Variants in MTBP observed in about 807,000 individuals in gnomAD.
MTBP encodes the protein MDM2 binding protein, also known as mdm2-binding protein.
In MTBP, 101 loss-of-function variants were observed where a neutral mutation model predicts 117.0. That is an observed-to-expected ratio of 0.86 (90% CI 0.73 to 1.02). The LOEUF is 1.02. MTBP is among the 50% of genes least tolerant of loss of function. The pLI is 0.00. For synonymous variants in MTBP, 350 were observed against 351.5 expected (o/e 1.00, Z 0.05); for missense variants, 970 against 1,030.9 (o/e 0.94, Z 0.81).
At chr8:120,521,361 T>C (rs540127759) in intron 20 of MTBP, among the ~76,000 whole-genome samples, 1 of 152,326 alleles carries the variant, frequency 6.6e-6, no homozygotes, top group South Asian at 2.1e-4. Flanking sequence ...TGAAAGTATT[T>C]ACATAGATAC....
rs148261774 is a variant in MTBP, at chr8:120,489,550, G to A, written c.1340-913G>A. On this transcript the variant is annotated intron_variant, in intron 12 of 21. Coordinates refer to ENST00000305949, the MANE Select transcript of MTBP (RefSeq NM_022045.5). ...CATCACTATGCCAGCCACCAGTAAC[G>A]GGAGTCCAAATACATCTTTATGTTG... 6.6e-4 allele frequency among the ~76,000 whole-genome samples: 100 copies of A among 152,316 alleles called. 1 individual carries two copies. The highest frequency in any genetic ancestry group is 3.4e-3 in the Middle Eastern group (1 of 294).
At chr8:120,515,875 C>G in intron 17 of MTBP, 50 bp from the exon 18 acceptor site, 6 of 1,523,618 alleles carry the variant, frequency 3.9e-6, no homozygotes, top group Non-Finnish European at 5.4e-6. Flanking sequence ...AGGGGAAAGT[C>G]TGTTGCTCTC....
At chr8:120,481,188 TTGA>T (rs1814076145) in intron 11 of MTBP, among the ~76,000 whole-genome samples, 1 of 152,170 alleles carries the variant, frequency 6.6e-6, no homozygotes, top group Non-Finnish European at 1.5e-5. Context: ...CTATCAAATG[TTGA>T]TGAGGATGTG....
At chr8:120,494,441 A>C (rs1399308453) in intron 13 of MTBP, among the ~76,000 whole-genome samples, 1 of 152,250 alleles carries the variant, frequency 6.6e-6, no homozygotes, top group Non-Finnish European at 1.5e-5. Context: ...AAAAAGCTTC[A>C]AGTGGCAAAC....
At chr8:120,519,998 A>C (rs1814987505) in intron 20 of MTBP, among the ~76,000 whole-genome samples, 1 of 152,148 alleles carries the variant, frequency 6.6e-6, no homozygotes, top group East Asian at 1.9e-4. Flanking sequence ...CTAACTGGCC[A>C]TCTTGTCACT....
Position 120,445,500 on chromosome 8 carries a change from G to C in MTBP, c.30G>C (p.Trp10Cys), listed in dbSNP as rs549063225. The C allele has an allele frequency of 9.9e-6, 16 of 1,613,558 alleles. No homozygotes were observed. Among genetic ancestry groups the C allele is most frequent in the Admixed American group, 3.3e-5 (2 of 59,984 alleles). MDRYLLLVI[W>C]GEGKFPSAAS... The stretch of plus-strand genomic sequence containing the variant: ...ATCGGTACCTGCTGCTGGTGATCTG[G>C]GGGGAAGGAAAATTCCCGTCGGCGG... Residue 10 changes from tryptophan (W) to cysteine (C), a missense_variant, in exon 1 of 22, where the codon TGG becomes TGC. By Grantham distance (215) the Trp-to-Cys change is radical. Transcript: ENST00000305949.
chr8:120,464,293 TA>T (rs1219075820), intron 10 of MTBP, among the ~76,000 whole-genome samples: 10 of 152,116 alleles, frequency 6.6e-5, no homozygotes, highest in East Asian at 1.9e-4. Context: ...TTTTTAACTT[TA>T]AAAAAATTAC....
At chr8:120,494,978 G>A (rs1814420178) in intron 13 of MTBP, among the ~76,000 whole-genome samples, 1 of 151,882 alleles carries the variant, frequency 6.6e-6, no homozygotes, top group Non-Finnish European at 1.5e-5. Flanking sequence ...TTCATATTTT[G>A]CTCGACTATG....
At chr8:120,465,900 C>A (rs1222988590) in intron 10 of MTBP, among the ~76,000 whole-genome samples, 2 of 151,786 alleles carry the variant, frequency 1.3e-5, no homozygotes, top group South Asian at 2.1e-4. Flanking sequence ...AAGCATTAGT[C>A]CATCTAGTTA....
At chr8:120,510,813 G>T (rs769809841) in intron 17 of MTBP, among the ~76,000 whole-genome samples, 3 of 152,084 alleles carry the variant, frequency 2.0e-5, no homozygotes, top group Non-Finnish European at 4.4e-5. Flanking sequence ...AGGATGCTGA[G>T]GCAGGAGGAT....
intron 16 of MTBP, among the ~76,000 whole-genome samples, 159 bp from the exon 17 acceptor site, chr8:120,509,775 C>G (rs1305865639): frequency 6.6e-6 from 1 of 152,184 alleles, no homozygotes; most frequent in African/African-American, 2.4e-5. Flanking sequence ...AACCTTGCTT[C>G]ATTTCCTTAT....
chr8:120,446,312 G>A, intron 1 of MTBP, 121 bp from the exon 2 acceptor site: 1 of 658,074 alleles, frequency 1.5e-6, no homozygotes, highest in African/African-American at 1.8e-5. Context: ...CAGATCTTGA[G>A]CAGCGTTTAG....
rs1166641628 is a variant in MTBP, at chr8:120,451,265, C to T, written c.368C>T (p.Ala123Val). The change falls in exon 4 of 22, where the codon GCT becomes GTT. Residue 123 changes from alanine (A) to valine (V), a missense_variant. Coordinates refer to ENST00000305949, the MANE Select transcript of MTBP (RefSeq NM_022045.5). ...ACGAATATCGAAGAATGTTTGGGTG[C>T]TGTTGAGTGTTTTGAAGAAGAAGAC... ...LQTNIEECLG[A>V]VECFEEEDSN... The T allele has an allele frequency of 6.2e-7, 1 of 1,612,578 alleles. No homozygotes were observed. The highest frequency in any genetic ancestry group is 2.2e-5 in the East Asian group (1 of 44,740).
chr8:120,495,194 A>T (rs2130591352), intron 13 of MTBP, among the ~76,000 whole-genome samples: 1 of 152,258 alleles, frequency 6.6e-6, no homozygotes, highest in East Asian at 1.9e-4. Context: ...AAATTTATTT[A>T]CTTCACTAAT....
chr8:120,509,986 T>C lies in MTBP; in HGVS notation c.1936T>C (p.Leu646=). The C allele has an allele frequency of 6.2e-7, 1 of 1,612,710 alleles. No individual in the cohort carries two copies. Among genetic ancestry groups the C allele is most frequent in the Non-Finnish European group, 8.5e-7 (1 of 1,179,298 alleles). Residue 646 remains leucine (L), a synonymous_variant, in exon 17 of 22, where the codon TTA becomes CTA. Coordinates refer to ENST00000305949, the MANE Select transcript of MTBP (RefSeq NM_022045.5). ...ACTTAGTCCTGGGAAACTTCAGGTC[T>C]TACCTTTTGAGAAAGCCTCAGTATG... ...PELSPGKLQV[L]PFEKASVCHY...
At chr8:120,452,428 C>T (rs1365931197) in intron 4 of MTBP, 2 of 152,090 alleles carry the variant, frequency 1.3e-5, no homozygotes, top group East Asian at 1.9e-4. Flanking sequence ...CTTCTCTGGT[C>T]GTTTGTTTTC....
chr8:120,460,588 C>T (rs749519549), intron 8 of MTBP, among the ~76,000 whole-genome samples: 5 of 152,124 alleles, frequency 3.3e-5, no homozygotes, highest in Non-Finnish European at 7.4e-5. Flanking sequence ...TTAGGCTTTA[C>T]CCAAGAAATA....
chr8:120,501,212 A>T lies in MTBP; in HGVS notation c.1610-1280A>T, dbSNP rs1426807411. 3.8e-5 allele frequency among the ~76,000 whole-genome samples: 5 copies of T among 130,460 alleles called. No individual in the cohort carries two copies. The East Asian group carries it at 1.1e-3, about 29-fold the overall frequency. 85.6% of individuals were successfully genotyped at this position (130,460 alleles called of 152,430 possible). A position where few individuals can be genotyped will look rare whatever the true frequency, so the allele number is the denominator to read the frequency against. On this transcript the variant is annotated intron_variant, in intron 14 of 21. Transcript: ENST00000305949. ...TCTCAAAAAAAAAAAAAAAAAAAAAATTAGCCGGGCGTGGTGGCGGGCACC... is the reference window on the plus strand; with the variant it reads ...TCTCAAAAAAAAAAAAAAAAAAAAATTTAGCCGGGCGTGGTGGCGGGCACC...
chr8:120,456,548 T>A lies in MTBP; in HGVS notation c.630-5T>A. 2.1e-6 allele frequency: 3 copies of A among 1,418,406 alleles called. No homozygotes were observed. The highest frequency in any genetic ancestry group is 3.0e-6 in the Non-Finnish European group (3 of 1,016,550). The allele number at this position is 1,418,406 out of a possible 1,614,324, so 87.9% of individuals were successfully genotyped here. On this transcript the variant is annotated splice_polypyrimidine_tract_variant and splice_region_variant and intron_variant, in intron 6 of 21. Transcript: ENST00000305949. ...TGTTTAATTGTTGTAATCTTTTTTT[T>A]ATAGAAACTGTCAGAAAATTGCAGA...
Sources: allele counts gnomAD v4.1 joint callset (sites outside exome capture counted in the v4.1 genomes callset), GRCh38; gene constraint gnomAD v4.1.1; transcripts MANE v1.5; gene names NCBI Gene and HGNC (gene_info 2026-07-23, HGNC 2026-07-21).